Variants in PCDH9 observed in about 807,000 individuals in gnomAD.
PCDH9 encodes protocadherin 9.
Under a neutral mutation model 70.6 loss-of-function variants are expected in PCDH9, and 24 were observed. The ratio of observed to expected loss-of-function variants is 0.34; its 90% CI spans 0.25 to 0.48. PCDH9 has a LOEUF of 0.48. Among genes scored for constraint, PCDH9 ranks in the 20% least tolerant of loss-of-function variants. PCDH9 has a pLI of 0.99. For synonymous variants in PCDH9, 562 were observed against 558.5 expected, an observed-to-expected ratio of 1.01 and a Z score of -0.09; for missense variants, 1,281 against 1,503.6, an observed-to-expected ratio of 0.85 and a Z score of 2.45.
intron 4 of PCDH9, among the ~76,000 whole-genome samples, chr13:66,452,258 T>C (rs1177372162): frequency 6.6e-6 from 1 of 152,202 alleles, no homozygotes; most frequent in African/African-American, 2.4e-5. Flanking sequence ...CTGGTCTTTG[T>C]AAAGAACCTC....
intron 2 of PCDH9, among the ~76,000 whole-genome samples, chr13:67,167,830 C>T (rs2088164574): frequency 6.6e-6 from 1 of 152,126 alleles, no homozygotes; most frequent in Non-Finnish European, 1.5e-5. Flanking sequence ...TGGAGTTATA[C>T]TCATAACCCA....
At chr13:66,962,814 C>T (rs1157870364) in intron 2 of PCDH9, among the ~76,000 whole-genome samples, 2 of 152,028 alleles carry the variant, frequency 1.3e-5, no homozygotes, top group East Asian at 3.9e-4. Flanking sequence ...GAGAATTTCC[C>T]ATGGATTGGG....
intron 2 of PCDH9, among the ~76,000 whole-genome samples, chr13:67,067,820 G>T (rs2138145554): frequency 6.6e-6 from 1 of 152,002 alleles, no homozygotes; most frequent in South Asian, 2.1e-4. Context: ...AAACATTAAA[G>T]ATTGAAAACT....
intron 2 of PCDH9, among the ~76,000 whole-genome samples, chr13:67,181,232 A>G (rs2088606782): frequency 6.6e-6 from 1 of 152,214 alleles, no homozygotes; most frequent in Non-Finnish European, 1.5e-5. Context: ...TTGAAATTTA[A>G]GTCATGGTAA....
At chr13:67,036,921 T>G (rs1384132610) in intron 2 of PCDH9, among the ~76,000 whole-genome samples, 1 of 152,208 alleles carries the variant, frequency 6.6e-6, no homozygotes, top group Admixed American at 6.5e-5. Flanking sequence ...AAAGCGCCAT[T>G]ATCATGCAGC....
At chr13:66,792,856 A>G (rs2139322519) in intron 3 of PCDH9, among the ~76,000 whole-genome samples, 1 of 152,314 alleles carries the variant, frequency 6.6e-6, no homozygotes, top group Admixed American at 6.5e-5. Flanking sequence ...GTGTGCCAAA[A>G]CAGATTCGAT....
intron 2 of PCDH9, chr13:67,201,151 CT>C (rs1186845668): frequency 3.3e-5 from 5 of 151,958 alleles, no homozygotes; most frequent in Non-Finnish European, 7.4e-5. Flanking sequence ...TAAGTACAGA[CT>C]TTTGAAGCCA....
chr13:66,903,069 C>T (rs1395216205), intron 3 of PCDH9, among the ~76,000 whole-genome samples: 1 of 151,730 alleles, frequency 6.6e-6, no homozygotes, highest in Non-Finnish European at 1.5e-5. Flanking sequence ...TCAAATTTAA[C>T]TAGTCATATT....
chr13:66,698,895 CTTTTTT>C (rs67333897), intron 3 of PCDH9, among the ~76,000 whole-genome samples: 3 of 61,150 alleles, frequency 4.9e-5, no homozygotes, highest in African/African-American at 1.6e-4. Flanking sequence ...CTCAATTCCT[CTTTTTT>C]TTTTTTTTTT....
intron 4 of PCDH9, among the ~76,000 whole-genome samples, chr13:66,388,506 TG>T (rs1956967745): frequency 1.3e-5 from 2 of 152,122 alleles, no homozygotes; most frequent in African/African-American, 2.4e-5. Context: ...TGGGTAGATG[TG>T]GTGGCTTTGA....
intron 2 of PCDH9, among the ~76,000 whole-genome samples, chr13:67,129,896 A>G (rs2087069303): frequency 6.6e-6 from 1 of 152,068 alleles, no homozygotes; most frequent in Admixed American, 6.6e-5. Context: ...AAATGAGAGT[A>G]AAAAGACCAT....
intron 2 of PCDH9, among the ~76,000 whole-genome samples, chr13:67,015,191 A>G (rs536207986): frequency 3.3e-5 from 5 of 152,032 alleles, no homozygotes; most frequent in East Asian, 1.9e-4. Flanking sequence ...TTTAATTGCT[A>G]TTTGAACCTG....
At chr13:66,921,223 G>A (rs980390393) in intron 2 of PCDH9, among the ~76,000 whole-genome samples, 6 of 150,834 alleles carry the variant, frequency 4.0e-5, no homozygotes, top group Non-Finnish European at 8.9e-5. Flanking sequence ...TCAGATAATT[G>A]GTATACTGTC....
intron 3 of PCDH9, among the ~76,000 whole-genome samples, chr13:66,902,656 T>A (rs1208594086): frequency 2.0e-5 from 3 of 151,764 alleles, no homozygotes; most frequent in Non-Finnish European, 4.4e-5. Context: ...TGAAACAGTA[T>A]GTATGTTTTA....
At chr13:66,889,691 T>C (rs1188031402) in intron 3 of PCDH9, among the ~76,000 whole-genome samples, 3 of 152,118 alleles carry the variant, frequency 2.0e-5, no homozygotes, top group African/African-American at 7.2e-5. Context: ...CACTCTCTGG[T>C]TCTAGAATTA....
intron 2 of PCDH9, among the ~76,000 whole-genome samples, chr13:67,181,235 CA>C (rs1250492844): frequency 6.6e-6 from 1 of 152,126 alleles, no homozygotes; most frequent in African/African-American, 2.4e-5. Context: ...AAATTTAAGT[CA>C]TGGTAAATCA....
intron 2 of PCDH9, among the ~76,000 whole-genome samples, chr13:67,026,670 G>A (rs1300763837): frequency 6.6e-6 from 1 of 151,980 alleles, no homozygotes; most frequent in Non-Finnish European, 1.5e-5. Flanking sequence ...AAAACCCATT[G>A]TCTCAGCCCA....
At chr13:66,586,649 G>A (rs1347349923) in intron 4 of PCDH9, among the ~76,000 whole-genome samples, 1 of 152,028 alleles carries the variant, frequency 6.6e-6, no homozygotes, top group African/African-American at 2.4e-5. Context: ...ATTGGCCCGA[G>A]GAAGGGAAAT....
At chr13:66,845,893 T>C (rs926622102) in intron 3 of PCDH9, among the ~76,000 whole-genome samples, 1 of 152,196 alleles carries the variant, frequency 6.6e-6, no homozygotes, top group Non-Finnish European at 1.5e-5. Flanking sequence ...AGTTACAACA[T>C]GCATAAATAT....
Sources: gnomAD v4.1 joint callset for allele counts (sites outside exome capture counted in the v4.1 genomes callset) on GRCh38, gnomAD v4.1.1 for gene constraint, MANE v1.5 for transcripts, NCBI Gene and HGNC (gene_info 2026-07-23, HGNC 2026-07-21) for gene names.